The following LINGO2 variants were observed in gnomAD, a reference collection of about 807,000 sequenced individuals.
The protein encoded by LINGO2 is leucine rich repeat and Ig domain containing 2, also known as leucine-rich repeat and immunoglobulin-like domain-containing nogo receptor-interacting protein 2.
A neutral mutation model predicts 30.6 loss-of-function variants in LINGO2; 14 were observed. That is an observed-to-expected ratio of 0.46 (90% CI 0.30 to 0.72). The LOEUF (loss-of-function observed/expected upper bound fraction) is 0.72. Among genes scored for constraint, LINGO2 ranks in the 30% least tolerant of loss-of-function variants. The probability of loss-of-function intolerance (pLI) is 0.07; values close to 1 mark genes in which losing one functional copy is unlikely to be tolerated. For synonymous variants in LINGO2, 317 were observed against 288.5 expected, an observed-to-expected ratio of 1.10 and a Z score of -1.00; for missense variants, 729 against 751.7, an observed-to-expected ratio of 0.97 and a Z score of 0.35.
the LINGO2 span, among the ~76,000 whole-genome samples, chr9:28,912,374 C>A: frequency 1.3e-5 from 2 of 152,068 alleles, no homozygotes; most frequent in African/African-American, 4.8e-5. Context: ...TGCCTCCACT[C>A]ATCTAGTCAT....
rs72724950 is a variant in LINGO2, at chr9:28,038,125, C to T, written c.-86-25720G>A. Among the ~76,000 whole-genome samples the T allele has an allele frequency of 4.2e-3, 638 of 152,196 alleles. 3 individuals carry two copies. Among genetic ancestry groups the T allele is most frequent in the South Asian group, 0.035 (168 of 4,818 alleles). On this transcript the variant is annotated intron_variant, in intron 4 of 5. Transcript: ENST00000379992. ...CTTAGATAATTCTGAAAAATGAGTCCGGAATTTCATTTTCTGGAATGATAA... is the reference window on the plus strand; with the variant it reads ...CTTAGATAATTCTGAAAAATGAGTCTGGAATTTCATTTTCTGGAATGATAA...
the LINGO2 span, among the ~76,000 whole-genome samples, chr9:28,980,443 A>T: frequency 1.3e-5 from 2 of 152,114 alleles, no homozygotes; most frequent in Non-Finnish European, 2.9e-5. Context: ...ATGGCCAGAA[A>T]GACATACAGA....
chr9:28,553,371 T>C (rs1002733274), intron 1 of LINGO2, among the ~76,000 whole-genome samples: 3 of 152,114 alleles, frequency 2.0e-5, no homozygotes, highest in East Asian at 3.9e-4. Flanking sequence ...CAGGAGCCGA[T>C]GTGATCAATT....
At chr9:28,978,722 C>A in the LINGO2 span, among the ~76,000 whole-genome samples, 2 of 151,822 alleles carry the variant, frequency 1.3e-5, no homozygotes, top group Admixed American at 1.3e-4. Context: ...TTAATCAATG[C>A]CAAGCATTAC....
rs376756529 is a variant in LINGO2, at chr9:28,305,194, T to C, written c.-245-9828A>G. ...TTCAACATCAATTCCTCATAAAAACTTTAAACAAACTGGGACTAGAAAGAA... is the reference window on the plus strand; with the variant it reads ...TTCAACATCAATTCCTCATAAAAACCTTAAACAAACTGGGACTAGAAAGAA... On this transcript the variant is annotated intron_variant, in intron 3 of 5. Transcript: ENST00000379992. 3.2e-4 allele frequency among the ~76,000 whole-genome samples: 49 copies of C among 152,150 alleles called. 1 individual carries two copies. The South Asian group carries it at 0.01, about 32-fold the overall frequency.
chr9:28,302,182 C>G (rs753657966), intron 3 of LINGO2, among the ~76,000 whole-genome samples: 67 of 152,254 alleles, frequency 4.4e-4, no homozygotes, highest in Middle Eastern at 3.4e-3. Flanking sequence ...CTAATGCAAT[C>G]AAGTTTTTAT....
intron 3 of LINGO2, among the ~76,000 whole-genome samples, chr9:28,312,061 A>C (rs556826620): frequency 7.9e-5 from 12 of 152,298 alleles, no homozygotes; most frequent in African/African-American, 2.9e-4. Context: ...TTCCCACAAC[A>C]AGTAAGGCTT....
At position 28,510,419 on chromosome 9, in the gene LINGO2, G is replaced by T. The variant is rs147067895; in HGVS notation, c.-364-34394C>A. On this transcript the variant is annotated intron_variant, in intron 1 of 5. Transcript: ENST00000379992. The stretch of plus-strand genomic sequence containing the variant: ...ATGTTATTAAGAAAATCATAAGGAA[G>T]AGAAAATGCATTTACTATTCATTAA... 1.8e-3 allele frequency among the ~76,000 whole-genome samples: 268 copies of T among 152,102 alleles called. 3 individuals carry two copies. The highest frequency in any genetic ancestry group is 6.3e-3 in the African/African-American group (260 of 41,516).
the LINGO2 span, among the ~76,000 whole-genome samples, chr9:28,775,017 A>G: frequency 6.6e-6 from 1 of 151,902 alleles, no homozygotes; most frequent in Admixed American, 6.6e-5. Context: ...GGCAATAAAC[A>G]TGTTAACAGA....
intron 1 of LINGO2, among the ~76,000 whole-genome samples, chr9:28,632,985 A>C (rs1472714055): frequency 2.0e-5 from 3 of 150,378 alleles, no homozygotes; most frequent in Non-Finnish European, 4.4e-5. Context: ...AGGAACAAGG[A>C]CAGCCAGCCC....
chr9:28,354,520 A>G (rs1041275800), intron 3 of LINGO2, among the ~76,000 whole-genome samples: 1 of 152,220 alleles, frequency 6.6e-6, no homozygotes, highest in African/African-American at 2.4e-5. Context: ...TCTCAAATGT[A>G]GAAATCTTCA....
At chr9:29,193,709 C>G in the LINGO2 span, among the ~76,000 whole-genome samples, 10 of 152,142 alleles carry the variant, frequency 6.6e-5, no homozygotes, top group Non-Finnish European at 1.3e-4. Context: ...AAGTCTTCCC[C>G]TGTCACTCAC....
rs567807442 is a variant in LINGO2, at chr9:28,533,675, T to G, written c.-364-57650A>C. Among the ~76,000 whole-genome samples, 4 of 152,272 alleles carry G rather than the reference T, an allele frequency of 2.6e-5. No individual in the cohort carries two copies. In the South Asian group the frequency reaches 8.3e-4, roughly 32 times the overall value. On this transcript the variant is annotated intron_variant, in intron 1 of 5. Coordinates refer to ENST00000379992, the Ensembl canonical transcript of LINGO2. Reference sequence around the variant, plus strand: ...TTCCTTTATCACAGGGTTGTGCCCTTGAAGAGGCTGTGTTGAGAATAAGAG... The same window carrying G: ...TTCCTTTATCACAGGGTTGTGCCCTGGAAGAGGCTGTGTTGAGAATAAGAG...
chr9:28,676,825 G>T, the LINGO2 span, among the ~76,000 whole-genome samples: 1 of 152,114 alleles, frequency 6.6e-6, no homozygotes, highest in Admixed American at 6.6e-5. Flanking sequence ...GGTTAATCAA[G>T]TTAAAAATTG....
chr9:28,059,854 G>T (rs1825087526), intron 4 of LINGO2, among the ~76,000 whole-genome samples: 2 of 151,886 alleles, frequency 1.3e-5, no homozygotes. Flanking sequence ...TTTGTCCAGA[G>T]CAGATTGCAG....
At chr9:27,990,444 C>A (rs1408122938) in intron 5 of LINGO2, among the ~76,000 whole-genome samples, 1 of 142,152 alleles carries the variant, frequency 7.0e-6, no homozygotes, top group Admixed American at 7.5e-5. Context: ...CAAAAAGCAT[C>A]ACTTCAGTGG....
intron 1 of LINGO2, among the ~76,000 whole-genome samples, chr9:28,555,946 C>CT (rs1564289422): frequency 3.9e-5 from 6 of 151,994 alleles, no homozygotes; most frequent in African/African-American, 1.4e-4. Context: ...AATTCAACAG[C>CT]CCTTCATGCT....
chr9:28,438,683 G>A (rs1275981708), intron 2 of LINGO2, among the ~76,000 whole-genome samples: 1 of 151,844 alleles, frequency 6.6e-6, no homozygotes, highest in East Asian at 1.9e-4. Flanking sequence ...TCAGCTATTG[G>A]CAAGTAGTAA....
chr9:28,954,057 A>G, the LINGO2 span, among the ~76,000 whole-genome samples: 1 of 152,186 alleles, frequency 6.6e-6, no homozygotes, highest in East Asian at 1.9e-4. Context: ...TGTCACACCT[A>G]TGGTAGCACA....
Sources: allele counts gnomAD v4.1 joint callset (sites outside exome capture counted in the v4.1 genomes callset), GRCh38; gene constraint gnomAD v4.1.1; transcripts MANE v1.5; gene names NCBI Gene and HGNC (gene_info 2026-07-23, HGNC 2026-07-21).